Variants in RARRES1 observed in about 807,000 individuals in gnomAD.
The protein encoded by RARRES1 is retinoic acid receptor responder protein 1.
RARRES1 carries 34 observed loss-of-function variants against 30.6 expected under a neutral mutation model. The ratio of observed to expected loss-of-function variants is 1.11; its 90% CI spans 0.84 to 1.48. The LOEUF is 1.48. Among genes scored for constraint, RARRES1 ranks in the 40% most tolerant of loss-of-function variants. The pLI, the probability that RARRES1 is intolerant of heterozygous loss-of-function variation, is 0.00. For missense variants in RARRES1, 373 were observed against 386.5 expected (o/e 0.97, Z 0.29); for synonymous variants, 153 against 155.5 (o/e 0.98, Z 0.12).
chr3:158,730,648 T>C (rs556535402), intron 1 of RARRES1, among the ~76,000 whole-genome samples: 2 of 152,184 alleles, frequency 1.3e-5, no homozygotes, highest in Non-Finnish European at 1.5e-5. Context: ...GATGGTACTT[T>C]GCCATGTTAC....
At chr3:158,717,220 C>T (rs1727350585) in intron 1 of RARRES1, among the ~76,000 whole-genome samples, 2 of 152,210 alleles carry the variant, frequency 1.3e-5, no homozygotes, top group Non-Finnish European at 2.9e-5. Context: ...TCAACAACAT[C>T]ACTCCATGAT....
At chr3:158,726,991 GCT>G (rs917932097) in intron 1 of RARRES1, among the ~76,000 whole-genome samples, 3 of 152,142 alleles carry the variant, frequency 2.0e-5, no homozygotes, top group Non-Finnish European at 2.9e-5. Context: ...CTCCCCACTT[GCT>G]CTCTTGCTCC....
At position 158,732,137 on chromosome 3, in the gene RARRES1, C is replaced by T; in HGVS notation, c.276+3G>A. On this transcript the variant is annotated splice_donor_region_variant and intron_variant, in intron 1 of 5. Coordinates refer to ENST00000237696, the MANE Select transcript of RARRES1 (RefSeq NM_206963.2). ...GTGCCCCGGCGCGTCGCTCCGCACT[C>T]ACCCACGCGCGGCCCTCCTGCACCT... 2 of 1,365,416 alleles carry T rather than the reference C, an allele frequency of 1.5e-6. No individual in the cohort carries two copies. The highest frequency in any genetic ancestry group is 1.8e-5 in the South Asian group (1 of 55,718). 84.6% of individuals were successfully genotyped at this position (1,365,416 alleles called of 1,614,324 possible). A position where few individuals can be genotyped will look rare whatever the true frequency, so the allele number is the denominator to read the frequency against.
intron 1 of RARRES1, among the ~76,000 whole-genome samples, chr3:158,718,042 G>A (rs899471188): frequency 1.5e-4 from 22 of 149,124 alleles, no homozygotes; most frequent in Non-Finnish European, 3.0e-4. Flanking sequence ...ACAGTTGCAT[G>A]ATCTCAGCTC....
At chr3:158,713,751 T>G (rs1006440627) in intron 2 of RARRES1, 46 bp downstream of exon 2, 1 of 1,542,852 alleles carries the variant, frequency 6.5e-7, no homozygotes, top group Non-Finnish European at 8.9e-7. Context: ...AAAGCCATAT[T>G]TATAGCAGTT....
At chr3:158,728,617 G>T (rs1022184223) in intron 1 of RARRES1, among the ~76,000 whole-genome samples, 15 of 149,494 alleles carry the variant, frequency 1.0e-4, no homozygotes, top group South Asian at 4.2e-4. Flanking sequence ...TCTGCCTCCC[G>T]GGTTCAAGTG....
In RARRES1 at chr3:158,727,933, T is replaced by G. The variant is rs565128202; in HGVS notation, c.276+4207A>C. Among the ~76,000 whole-genome samples, 84 of 152,328 alleles carry G rather than the reference T, an allele frequency of 5.5e-4. 2 individuals are homozygous for G. The South Asian group carries it at 0.017, about 31-fold the overall frequency. On this transcript the variant is annotated intron_variant, in intron 1 of 5. Coordinates refer to ENST00000237696, the MANE Select transcript of RARRES1 (RefSeq NM_206963.2). ...TTGAATTTACTACCACAGCTATTGC[T>G]GCATTTCACCACCAGAGGGCAACAG...
chr3:158,706,961 G>C (rs767525866), intron 3 of RARRES1, among the ~76,000 whole-genome samples: 1 of 152,172 alleles, frequency 6.6e-6, no homozygotes, highest in Non-Finnish European at 1.5e-5. Flanking sequence ...CGGAGGTCAG[G>C]AGTTGAAGAC....
intron 1 of RARRES1, among the ~76,000 whole-genome samples, chr3:158,715,061 A>G (rs562810964): frequency 1.3e-5 from 2 of 152,344 alleles, no homozygotes; most frequent in Admixed American, 6.5e-5. Context: ...TCCCGAGAGC[A>G]CTGCACACAG....
intron 4 of RARRES1, among the ~76,000 whole-genome samples, chr3:158,704,210 C>CT (rs78169321): frequency 0.011 from 906 of 82,726 alleles, 36 homozygotes; most frequent in African/African-American, 0.013. Flanking sequence ...TATTGCAATA[C>CT]TTTTTTTTTT....
At chr3:158,714,293 G>A (rs1020519413) in intron 1 of RARRES1, among the ~76,000 whole-genome samples, 4 of 152,268 alleles carry the variant, frequency 2.6e-5, no homozygotes, top group East Asian at 1.9e-4. Flanking sequence ...GGCAACAAAC[G>A]CACAACAAGT....
At chr3:158,719,964 AC>A (rs1201769746) in intron 1 of RARRES1, among the ~76,000 whole-genome samples, 1 of 152,214 alleles carries the variant, frequency 6.6e-6, no homozygotes, top group Non-Finnish European at 1.5e-5. Flanking sequence ...TTGTACTCTT[AC>A]TGTGTGCCTC....
At chr3:158,730,710 C>A (rs1280039542) in intron 1 of RARRES1, among the ~76,000 whole-genome samples, 1 of 152,116 alleles carries the variant, frequency 6.6e-6, no homozygotes, top group Non-Finnish European at 1.5e-5. Context: ...CCTCGGCCTC[C>A]CAAAGTGCTG....
chr3:158,728,579 A>G (rs1035725641), intron 1 of RARRES1, among the ~76,000 whole-genome samples: 13 of 144,894 alleles, frequency 9.0e-5, no homozygotes, highest in Non-Finnish European at 3.0e-5. Context: ...GCTGGAGTGC[A>G]GTGGCATGAT....
chr3:158,699,184 A>T (rs2713731), intron 4 of RARRES1, among the ~76,000 whole-genome samples: 148,734 of 152,250 alleles, frequency 0.98, 72,665 homozygotes, highest in East Asian at 1. Flanking sequence ...ACCTGCTTGC[A>T]CCCTCTTCTG....
chr3:158,720,274 G>GTGTGTGTGT (rs1559873770), intron 1 of RARRES1, among the ~76,000 whole-genome samples: 4 of 126,450 alleles, frequency 3.2e-5, no homozygotes, highest in African/African-American at 1.3e-4. Context: ...GTATGTGTGT[G>GTGTGTGTGT]AGAGAGAGAG....
intron 4 of RARRES1, among the ~76,000 whole-genome samples, chr3:158,700,832 C>T (rs1726698474): frequency 6.6e-6 from 1 of 152,162 alleles, no homozygotes; most frequent in Non-Finnish European, 1.5e-5. Context: ...TTGTTGCAGA[C>T]AGACTGGAAG....
chr3:158,717,798 A>G (rs1476108847), intron 1 of RARRES1, among the ~76,000 whole-genome samples: 2 of 152,026 alleles, frequency 1.3e-5, no homozygotes, highest in Non-Finnish European at 2.9e-5. Context: ...GGAAATGGAG[A>G]GAAGCATATG....
intron 1 of RARRES1, among the ~76,000 whole-genome samples, chr3:158,721,757 G>A (rs1306972119): frequency 6.6e-6 from 1 of 152,172 alleles, no homozygotes; most frequent in Non-Finnish European, 1.5e-5. Context: ...AGGTGCAACT[G>A]ATAAACTCCA....
Sources: gnomAD v4.1 joint callset for allele counts (sites outside exome capture counted in the v4.1 genomes callset) on GRCh38, gnomAD v4.1.1 for gene constraint, MANE v1.5 for transcripts, NCBI Gene and HGNC (gene_info 2026-07-23, HGNC 2026-07-21) for gene names.